Variants in PPFIBP2 observed in about 807,000 individuals in gnomAD.
PPFIBP2 encodes PPFIB scaffold protein 2.
PPFIBP2 carries 118 observed loss-of-function variants against 118.3 expected under a neutral mutation model. That is an observed-to-expected ratio of 1.00 (90% CI 0.86 to 1.16). PPFIBP2 has a LOEUF of 1.16. Ranked by LOEUF, PPFIBP2 falls within the 50% of genes most tolerant of loss-of-function variation. PPFIBP2 has a pLI of 0.00. For missense variants in PPFIBP2, 1,195 were observed against 1,073.1 expected (o/e 1.11, Z -1.59); for synonymous variants, 414 against 397.4 (o/e 1.04, Z -0.50).
At chr11:7,651,213 G>A in intron 22 of PPFIBP2, 1 of 405,390 alleles carries the variant, frequency 2.5e-6, no homozygotes, top group East Asian at 4.1e-5. Context: ...TCGATGGGTT[G>A]CATGGAGACC....
At chr11:7,521,960 C>G (rs1849796396) in intron 1 of PPFIBP2, among the ~76,000 whole-genome samples, 1 of 152,102 alleles carries the variant, frequency 6.6e-6, no homozygotes, top group Admixed American at 6.5e-5. Context: ...GGGAAGAGAT[C>G]ATGGAAGGCC....
intron 1 of PPFIBP2, among the ~76,000 whole-genome samples, chr11:7,514,826 C>A (rs961993977): frequency 6.6e-6 from 1 of 152,146 alleles, no homozygotes; most frequent in African/African-American, 2.4e-5. Flanking sequence ...GGCATTCTTG[C>A]CAGTGTTTAA....
intron 3 of PPFIBP2, among the ~76,000 whole-genome samples, chr11:7,590,839 T>A (rs187542350): frequency 6.6e-6 from 1 of 152,242 alleles, no homozygotes; most frequent in African/African-American, 2.4e-5. Context: ...CTGTTTACTA[T>A]AAGGGTGTCA....
rs570017241 is a variant in PPFIBP2, at chr11:7,617,272, G to A, written c.619-3663G>A. ...GAGCCCCAGCCCTGCAGCCAGGACT[G>A]TGCCTGTTGGGAGGGGTCACCTGTA... On this transcript the variant is annotated intron_variant, in intron 6 of 23. Transcript: ENST00000299492. 8 of 985,450 alleles carry A rather than the reference G, an allele frequency of 8.1e-6. No homozygotes were observed. In the African/African-American group the frequency reaches 1.4e-4, roughly 17 times the overall value. The allele number at this position is 985,450 out of a possible 1,614,324, so 61.0% of individuals were successfully genotyped here.
At chr11:7,550,385 C>T (rs1394156052) in intron 2 of PPFIBP2, among the ~76,000 whole-genome samples, 1 of 152,138 alleles carries the variant, frequency 6.6e-6, no homozygotes, top group Non-Finnish European at 1.5e-5. Context: ...ACACAGAGTA[C>T]CTGACACTGC....
In PPFIBP2 at chr11:7,639,788, A is replaced by G. The variant is rs137855547; in HGVS notation, c.1293A>G (p.Gly431=). 1.6e-4 allele frequency: 256 copies of G among 1,614,134 alleles called. 2 individuals are homozygous for G. The African/African-American group carries it at 3.0e-3, about 19-fold the overall frequency. ...KYPTLPGKLS[G]ATPNGEAAKS... is the part of the protein sequence containing the mutation. ...CCACTTTACCTGGGAAGCTTTCAGG[A>G]GCCACGCCCAATGGAGAGGCTGCCA... The change falls in exon 15 of 24, where the codon GGA becomes GGG. Residue 431 remains glycine (G), a synonymous_variant. Coordinates refer to ENST00000299492, the MANE Select transcript of PPFIBP2 (RefSeq NM_003621.5).
intron 1 of PPFIBP2, among the ~76,000 whole-genome samples, chr11:7,526,917 A>G (rs758182386): frequency 1.3e-5 from 2 of 152,028 alleles, no homozygotes; most frequent in Non-Finnish European, 2.9e-5. Context: ...ACCATCTGAA[A>G]GCTGTTTTAG....
At chr11:7,665,581 A>G in the PPFIBP2 span, 1 of 1,560,288 alleles carries the variant, frequency 6.4e-7, no homozygotes, top group Non-Finnish European at 8.7e-7. Context: ...AAGCTGAGCG[A>G]TGCCAGGTGG....
intron 1 of PPFIBP2, 90 bp from the exon 2 acceptor site, chr11:7,549,350 G>A (rs892256934): frequency 4.2e-5 from 48 of 1,142,530 alleles, no homozygotes; most frequent in Non-Finnish European, 5.9e-5. Context: ...AACACGTTGT[G>A]TGATGATGGA....
chr11:7,605,762 A>G (rs965623858), intron 5 of PPFIBP2: 1 of 1,370,768 alleles, frequency 7.3e-7, no homozygotes, highest in Non-Finnish European at 9.4e-7. Flanking sequence ...TGAGTGAGCA[A>G]GTGGGACAGA....
At chr11:7,665,563 G>A in the PPFIBP2 span, 8 of 1,586,356 alleles carry the variant, frequency 5.0e-6, no homozygotes, top group Admixed American at 8.8e-5. Flanking sequence ...TGAAGGAGAT[G>A]CAGGAGCAAG....
At chr11:7,577,961 C>G (rs996526960) in intron 3 of PPFIBP2, among the ~76,000 whole-genome samples, 18 of 152,148 alleles carry the variant, frequency 1.2e-4, no homozygotes, top group African/African-American at 4.3e-4. Flanking sequence ...ATGTGCCCAC[C>G]GCTTTTCAGT....
At position 7,641,970 on chromosome 11, in the gene PPFIBP2, T is replaced by G. The variant is rs1852258820; in HGVS notation, c.1518-328T>G. 3 of 389,764 alleles carry G rather than the reference T, an allele frequency of 7.7e-6. No homozygotes were observed. In the East Asian group the frequency reaches 1.4e-4, roughly 18 times the overall value. The allele number at this position is 389,764 out of a possible 1,614,324, so 24.1% of individuals were successfully genotyped here. On this transcript the variant is annotated intron_variant, in intron 16 of 23. Transcript: ENST00000299492. ...GAGTCAGTCTGTTTTAAGAAATCTTTGAAAAACCTTTGAAAGCCAAGTACT... is the reference window on the plus strand; with the variant it reads ...GAGTCAGTCTGTTTTAAGAAATCTTGGAAAAACCTTTGAAAGCCAAGTACT...
At chr11:7,551,523 G>A (rs569371454) in intron 2 of PPFIBP2, among the ~76,000 whole-genome samples, 1 of 152,240 alleles carries the variant, frequency 6.6e-6, no homozygotes, top group South Asian at 2.1e-4. Flanking sequence ...GCTTTAGTAA[G>A]TCTTGAAGTT....
intron 2 of PPFIBP2, among the ~76,000 whole-genome samples, chr11:7,552,407 C>T (rs1174566128): frequency 6.6e-6 from 1 of 152,158 alleles, no homozygotes; most frequent in Non-Finnish European, 1.5e-5. Context: ...TTTATTAAAG[C>T]TCTTATTTCT....
Position 7,653,576 on chromosome 11 carries a change from AC to A in PPFIBP2, c.*363del. 3 of 1,306,228 alleles carry A rather than the reference AC, an allele frequency of 2.3e-6. No individual in the cohort carries two copies. Among genetic ancestry groups the A allele is most frequent in the Non-Finnish European group, 3.0e-6 (3 of 1,000,682 alleles). The allele number at this position is 1,306,228 out of a possible 1,614,324, so 80.9% of individuals were successfully genotyped here. ...CTCCCACGAGGCTCAGCTCTCAGGC[AC>A]CCCCTACACTTCAGTTGAGGGAAAA... On this transcript the variant is annotated 3_prime_UTR_variant, in exon 24 of 24. Transcript: ENST00000299492.
At chr11:7,515,756 G>GGGAC in intron 1 of PPFIBP2, among the ~76,000 whole-genome samples, 1 of 152,306 alleles carries the variant, frequency 6.6e-6, no homozygotes, top group South Asian at 2.1e-4. Flanking sequence ...GGCACAGCAG[G>GGGAC]GGACTGACTG....
intron 1 of PPFIBP2, among the ~76,000 whole-genome samples, chr11:7,530,980 G>C (rs1850628456): frequency 6.6e-6 from 1 of 152,174 alleles, no homozygotes; most frequent in Admixed American, 6.5e-5. Context: ...AGGAAGAGCT[G>C]AGAAAGATGG....
chr11:7,608,931 C>A (rs570498287), intron 5 of PPFIBP2, among the ~76,000 whole-genome samples: 1 of 152,362 alleles, frequency 6.6e-6, no homozygotes, highest in East Asian at 1.9e-4. Context: ...CAGTGCTCCA[C>A]CTCTGCCTTG....
Sources: gnomAD v4.1 joint callset for allele counts (sites outside exome capture counted in the v4.1 genomes callset) on GRCh38, gnomAD v4.1.1 for gene constraint, MANE v1.5 for transcripts, NCBI Gene and HGNC (gene_info 2026-07-23, HGNC 2026-07-21) for gene names.